The following MLLT3 variants were observed in gnomAD, a reference collection of about 807,000 sequenced individuals.
The protein encoded by MLLT3 is MLLT3 super elongation complex subunit.
Under a neutral mutation model 53.2 loss-of-function variants are expected in MLLT3, and 4 were observed. The observed-to-expected ratio is 0.08, with a 90% CI of 0.04 to 0.17. The LOEUF is 0.17. Among genes scored for constraint, MLLT3 ranks in the 10% least tolerant of loss-of-function variants. The pLI is 1.00. For synonymous variants in MLLT3, 283 were observed against 230.6 expected, an observed-to-expected ratio of 1.23 and a Z score of -2.06; for missense variants, 569 against 684.0, an observed-to-expected ratio of 0.83 and a Z score of 1.87.
At chr9:20,608,862 T>A (rs1358979265) in intron 2 of MLLT3, among the ~76,000 whole-genome samples, 8 of 152,048 alleles carry the variant, frequency 5.3e-5, no homozygotes. Context: ...AAGAAGTTCC[T>A]GATATCCCAC....
chr9:20,497,384 T>A (rs974708016), intron 2 of MLLT3, among the ~76,000 whole-genome samples: 6 of 152,160 alleles, frequency 3.9e-5, no homozygotes, highest in African/African-American at 1.4e-4. Context: ...ATAGTCAAGA[T>A]AAGGAACATC....
At chr9:20,562,212 G>A (rs1819234830) in intron 2 of MLLT3, among the ~76,000 whole-genome samples, 1 of 152,010 alleles carries the variant, frequency 6.6e-6, no homozygotes, top group Admixed American at 6.6e-5. Context: ...AGTAATACTA[G>A]TTTCACAATC....
At chr9:20,554,691 T>G (rs1819009932) in intron 2 of MLLT3, among the ~76,000 whole-genome samples, 1 of 152,184 alleles carries the variant, frequency 6.6e-6, no homozygotes, top group African/African-American at 2.4e-5. Context: ...AATACATGGG[T>G]GACACCCTCC....
chr9:20,524,625 A>C (rs755293544), intron 2 of MLLT3, among the ~76,000 whole-genome samples: 1 of 152,198 alleles, frequency 6.6e-6, no homozygotes, highest in South Asian at 2.1e-4. Context: ...TTTTTAAATA[A>C]AAATAGTAAA....
At chr9:20,429,874 G>A (rs1308992847) in intron 4 of MLLT3, among the ~76,000 whole-genome samples, 1 of 152,108 alleles carries the variant, frequency 6.6e-6, no homozygotes, top group African/African-American at 2.4e-5. Flanking sequence ...CAGTCCCTTT[G>A]TAATCAGTTT....
intron 5 of MLLT3, among the ~76,000 whole-genome samples, chr9:20,409,113 A>G (rs901631604): frequency 3.3e-5 from 5 of 152,192 alleles, no homozygotes; most frequent in Admixed American, 3.3e-4. Context: ...TGCCAAATGT[A>G]ATTTGTCCAT....
chr9:20,510,504 C>T (rs1179930406), intron 2 of MLLT3, among the ~76,000 whole-genome samples: 1 of 150,932 alleles, frequency 6.6e-6, no homozygotes, highest in Non-Finnish European at 1.5e-5. Flanking sequence ...CCCAGCTACT[C>T]AGGAGGCTGA....
intron 8 of MLLT3, among the ~76,000 whole-genome samples, chr9:20,355,095 T>TAA (rs531598773): frequency 2.1e-3 from 133 of 64,112 alleles, no homozygotes; most frequent in African/African-American, 4.0e-3. Context: ...AAAGTAGAAC[T>TAA]AAAAAAAAAA....
chr9:20,475,769 C>A (rs1824504353), intron 2 of MLLT3, among the ~76,000 whole-genome samples: 2 of 152,044 alleles, frequency 1.3e-5, no homozygotes, highest in Non-Finnish European at 2.9e-5. Context: ...GGATTTGGCA[C>A]AATTTAAATA....
intron 2 of MLLT3, among the ~76,000 whole-genome samples, chr9:20,552,394 T>C (rs1229899778): frequency 6.6e-6 from 1 of 152,156 alleles, no homozygotes; most frequent in Non-Finnish European, 1.5e-5. Flanking sequence ...GCCACCAAAA[T>C]TCAAGTTTTT....
At chr9:20,401,762 C>A (rs905382044) in intron 5 of MLLT3, among the ~76,000 whole-genome samples, 3 of 152,134 alleles carry the variant, frequency 2.0e-5, no homozygotes, top group African/African-American at 7.2e-5. Flanking sequence ...TGTCTAACTG[C>A]AAGGAAGGCT....
chr9:20,417,378 T>C (rs927789430), intron 4 of MLLT3, among the ~76,000 whole-genome samples: 4 of 147,858 alleles, frequency 2.7e-5, no homozygotes, highest in Admixed American at 6.8e-5. Context: ...ATATATTATA[T>C]ATAAATATGT....
chr9:20,573,532 T>C (rs1486001533), intron 2 of MLLT3, among the ~76,000 whole-genome samples: 1 of 152,018 alleles, frequency 6.6e-6, no homozygotes, highest in East Asian at 1.9e-4. Context: ...AAAACTAAAA[T>C]GGAAATGAAT....
chr9:20,523,586 A>G (rs973376072), intron 2 of MLLT3, among the ~76,000 whole-genome samples: 2 of 152,222 alleles, frequency 1.3e-5, no homozygotes, highest in African/African-American at 4.8e-5. Context: ...AATGCATTTT[A>G]CTAAATGAAA....
At position 20,558,891 on chromosome 9, in the gene MLLT3, T is replaced by C. The variant is rs1819130521; in HGVS notation, c.193+61763A>G. On this transcript the variant is annotated intron_variant, in intron 2 of 10. Transcript: ENST00000380338. ...GTTTCGGATTTGAAACTTGCCAGCA[T>C]TACAAACAGAAAGGAAGGGGAGAGC... Among the ~76,000 whole-genome samples, 5 of 152,216 alleles carry C rather than the reference T, an allele frequency of 3.3e-5. No individual in the cohort carries two copies. In the South Asian group the frequency reaches 1.0e-3, roughly 31 times the overall value.
At chr9:20,602,761 T>TACACACACACACACACACAC (rs3086486) in intron 2 of MLLT3, among the ~76,000 whole-genome samples, 1 of 147,184 alleles carries the variant, frequency 6.8e-6, no homozygotes, top group Non-Finnish European at 1.5e-5. Flanking sequence ...TTAAGTTTGA[T>TACACACACACACACACACAC]ACACACACAC....
At chr9:20,354,603 T>C (rs1392492693) in intron 9 of MLLT3, among the ~76,000 whole-genome samples, 3 of 152,206 alleles carry the variant, frequency 2.0e-5, no homozygotes, top group Admixed American at 6.5e-5. Flanking sequence ...AATGACAGCA[T>C]AAGGCCAAGC....
At chr9:20,425,730 TG>T (rs1168079209) in intron 4 of MLLT3, among the ~76,000 whole-genome samples, 2 of 151,874 alleles carry the variant, frequency 1.3e-5, no homozygotes, top group East Asian at 1.9e-4. Flanking sequence ...ATTAATAAGA[TG>T]AAAAAAATCT....
At chr9:20,593,512 A>T (rs1401141393) in intron 2 of MLLT3, among the ~76,000 whole-genome samples, 2 of 152,252 alleles carry the variant, frequency 1.3e-5, no homozygotes, top group African/African-American at 4.8e-5. Flanking sequence ...ATAATAAAGC[A>T]GATCAGTTTT....
Sources: allele counts gnomAD v4.1 joint callset (sites outside exome capture counted in the v4.1 genomes callset), GRCh38; gene constraint gnomAD v4.1.1; transcripts MANE v1.5; gene names NCBI Gene and HGNC (gene_info 2026-07-23, HGNC 2026-07-21).